Variants in PIGL observed in about 807,000 individuals in gnomAD.
PIGL encodes the protein phosphatidylinositol glycan anchor biosynthesis class L, also known as N-acetylglucosaminyl-phosphatidylinositol de-N-acetylase.
Under a neutral mutation model 31.1 loss-of-function variants are expected in PIGL, and 22 were observed. That is an observed-to-expected ratio of 0.71 (90% confidence interval 0.51 to 1.01). The LOEUF is 1.01. Ranked by LOEUF, PIGL falls within the 50% of genes least tolerant of loss-of-function variation. The pLI, the probability that PIGL is intolerant of heterozygous loss-of-function variation, is 0.00. For missense variants in PIGL, 302 were observed against 315.9 expected (o/e 0.96, Z 0.33); for synonymous variants, 131 against 117.4 (o/e 1.12, Z -0.75).
chr17:16,264,756 C>T (rs538288107), intron 2 of PIGL, among the ~76,000 whole-genome samples: 2 of 151,370 alleles, frequency 1.3e-5, no homozygotes, highest in Non-Finnish European at 2.9e-5. Flanking sequence ...AAGTGATTCT[C>T]CTGCCTCAGC....
At chr17:16,291,588 G>C (rs186818859) in intron 2 of PIGL, among the ~76,000 whole-genome samples, 107 of 151,718 alleles carry the variant, frequency 7.1e-4, no homozygotes, top group Non-Finnish European at 1.4e-3. Context: ...GGACTTGGCT[G>C]GGCGCAGTGG....
In PIGL at chr17:16,250,050, GA is replaced by G. The variant is rs373089315; in HGVS notation, c.335+15981del. Reference sequence around the variant, plus strand: ...CAACCTCCACCTCTTGGATTCAAATGATTCTGCTGCCTCAGCCTCCCAAGTC... The same window carrying G: ...CAACCTCCACCTCTTGGATTCAAATGTTCTGCTGCCTCAGCCTCCCAAGTC... On this transcript the variant is annotated intron_variant, in intron 2 of 6. Coordinates refer to ENST00000225609, the MANE Select transcript of PIGL (RefSeq NM_004278.4). Among the ~76,000 whole-genome samples, 1,396 of 152,284 alleles carry G rather than the reference GA, an allele frequency of 9.2e-3. 27 individuals carry two copies. Among genetic ancestry groups the G allele is most frequent in the African/African-American group, 0.032 (1,332 of 41,564 alleles).
chr17:16,280,168 T>A (rs2092910699), intron 2 of PIGL, among the ~76,000 whole-genome samples: 1 of 152,202 alleles, frequency 6.6e-6, no homozygotes, highest in South Asian at 2.1e-4. Flanking sequence ...GTCTAAAATA[T>A]GTTTTCACAT....
At chr17:16,297,297 C>T (rs912650361) in intron 2 of PIGL, among the ~76,000 whole-genome samples, 4 of 152,190 alleles carry the variant, frequency 2.6e-5, no homozygotes, top group African/African-American at 9.7e-5. Flanking sequence ...ACACTTCTTC[C>T]TGCATCGCCC....
chr17:16,286,612 C>A lies in PIGL; in HGVS notation c.336-13276C>A, dbSNP rs192079035. ...GTTTCCTGAACATTAAGGTCTAGGG[C>A]GGGACTTCGAGTTTGGGGCCTTTTC... On this transcript the variant is annotated intron_variant, in intron 2 of 6. Transcript: ENST00000225609. Among the ~76,000 whole-genome samples, 7 of 152,174 alleles carry A rather than the reference C, an allele frequency of 4.6e-5. No individual in the cohort carries two copies. The East Asian group carries it at 1.4e-3, about 29-fold the overall frequency.
chr17:16,297,612 G>A (rs1372180734), intron 2 of PIGL, among the ~76,000 whole-genome samples: 3 of 152,064 alleles, frequency 2.0e-5, no homozygotes, highest in Non-Finnish European at 4.4e-5. Flanking sequence ...CTTCAGCTGC[G>A]TGAGCTCAGG....
rs889153448 is a variant in PIGL at position 16,299,956 on chromosome 17, T to C, written c.404T>C (p.Ile135Thr). ...EHVARVLLQH[I>T]EVNGINLVVT... is the part of the protein sequence containing the mutation. ...GTGGCCAGAGTCCTCCTTCAGCACA[T>C]AGAAGTGAATGGCATCAATCTGGTA... The change falls in exon 3 of 7, where the codon ATA (isoleucine) becomes ACA (threonine). Residue 135 changes from isoleucine (I) to threonine (T), a missense_variant. Ile to Thr is a moderately conservative substitution (Grantham distance 89, BLOSUM62 -1). Transcript: ENST00000225609. The C allele has an allele frequency of 4.3e-6, 7 of 1,613,654 alleles. No homozygotes were observed. In the African/African-American group the frequency reaches 5.3e-5, roughly 12 times the overall value.
chr17:16,253,322 A>G (rs914048691), intron 2 of PIGL, among the ~76,000 whole-genome samples: 1 of 152,110 alleles, frequency 6.6e-6, no homozygotes, highest in Non-Finnish European at 1.5e-5. Flanking sequence ...ATTAAAACCC[A>G]TGCCTATTAA....
At chr17:16,276,343 T>C (rs2092895364) in intron 2 of PIGL, among the ~76,000 whole-genome samples, 1 of 152,236 alleles carries the variant, frequency 6.6e-6, no homozygotes, top group African/African-American at 2.4e-5. Flanking sequence ...TCTATCCCTC[T>C]TGTTTCTTCT....
At chr17:16,267,701 AAG>A (rs915238379) in intron 2 of PIGL, among the ~76,000 whole-genome samples, 6 of 151,712 alleles carry the variant, frequency 4.0e-5, no homozygotes, top group African/African-American at 1.5e-4. Context: ...TATCAAAAAA[AAG>A]AAAAAAAGAA....
intron 3 of PIGL, among the ~76,000 whole-genome samples, chr17:16,309,065 C>A (rs1445125778): frequency 6.6e-6 from 1 of 152,166 alleles, no homozygotes; most frequent in East Asian, 1.9e-4. Context: ...TGCTGGGATT[C>A]CAGGCATAAG....
chr17:16,318,713 A>G (rs1203533669), intron 6 of PIGL, among the ~76,000 whole-genome samples: 2 of 151,068 alleles, frequency 1.3e-5, no homozygotes, highest in African/African-American at 4.9e-5. Flanking sequence ...CGGGCAGATC[A>G]CGAGGTCAGG....
intron 3 of PIGL, among the ~76,000 whole-genome samples, chr17:16,310,883 G>A (rs1260642009): frequency 1.3e-5 from 2 of 152,180 alleles, no homozygotes; most frequent in African/African-American, 4.8e-5. Context: ...TGTGGAGTCA[G>A]AAAGATCTAA....
chr17:16,308,909 C>T (rs1030870088), intron 3 of PIGL, among the ~76,000 whole-genome samples: 9 of 150,206 alleles, frequency 6.0e-5, no homozygotes, highest in African/African-American at 2.2e-4. Flanking sequence ...GTCTTCCTCT[C>T]CCAAGTAGCT....
At chr17:16,315,684 TTTTCTTTCTTTC>T (rs1295279206) in intron 4 of PIGL, among the ~76,000 whole-genome samples, 7 of 120,378 alleles carry the variant, frequency 5.8e-5, no homozygotes, top group East Asian at 2.1e-4. Flanking sequence ...CAGTCTTTTC[TTTTCTTTCTTTC>T]TTTCTTTCTT....
At chr17:16,310,522 TA>T (rs2093044657) in intron 3 of PIGL, among the ~76,000 whole-genome samples, 2 of 152,096 alleles carry the variant, frequency 1.3e-5, no homozygotes, top group South Asian at 4.2e-4. Flanking sequence ...GCTGTCAGAA[TA>T]AGAGTGCAGG....
chr17:16,304,426 A>G (rs1180495403), intron 3 of PIGL, among the ~76,000 whole-genome samples: 5 of 152,178 alleles, frequency 3.3e-5, no homozygotes, highest in Non-Finnish European at 5.9e-5. Context: ...GAACATCATA[A>G]AGACCATAAG....
chr17:16,225,291 G>C (rs546495175), intron 1 of PIGL, among the ~76,000 whole-genome samples: 17 of 150,900 alleles, frequency 1.1e-4, no homozygotes, highest in African/African-American at 3.9e-4. Flanking sequence ...TCTGCAGTCT[G>C]TATATCTGAT....
chr17:16,312,322 G>A lies in PIGL; in HGVS notation c.427-1225G>A, dbSNP rs7215583. 9.1e-3 allele frequency: 1,487 copies of A among 162,958 alleles called. 25 individuals carry two copies. The highest frequency in any genetic ancestry group is 0.034 in the African/African-American group (1,396 of 41,376). The allele number at this position is 162,958 out of a possible 1,614,324, so 10.1% of individuals were successfully genotyped here. Reference sequence around the variant, plus strand: ...CAGAGGCGCTCCTCACATCCCAGATGGGGCGGCAGGGCAGAGGCGCTCCCC... The same window carrying A: ...CAGAGGCGCTCCTCACATCCCAGATAGGGCGGCAGGGCAGAGGCGCTCCCC... On this transcript the variant is annotated intron_variant, in intron 3 of 6. Coordinates refer to ENST00000225609, the MANE Select transcript of PIGL (RefSeq NM_004278.4).
Sources: allele counts gnomAD v4.1 joint callset (sites outside exome capture counted in the v4.1 genomes callset), GRCh38; gene constraint gnomAD v4.1.1; transcripts MANE v1.5; gene names NCBI Gene and HGNC (gene_info 2026-07-23, HGNC 2026-07-21).